The following SLIT1 variants were observed in gnomAD, a reference collection of about 807,000 sequenced individuals.
SLIT1 encodes slit guidance ligand 1, also known as slit homolog 1 protein.
Under a neutral mutation model 186.1 loss-of-function variants are expected in SLIT1, and 66 were observed. That is an observed-to-expected ratio of 0.35 (90% CI 0.29 to 0.44). The LOEUF (loss-of-function observed/expected upper bound fraction) is 0.44, where lower values mean the gene tolerates loss of function less well. Ranked by LOEUF, SLIT1 falls within the 20% of genes least tolerant of loss-of-function variation. SLIT1 has a pLI of 1.00. For missense variants in SLIT1, 1,638 were observed against 2,037.4 expected (o/e 0.80, Z 3.77); for synonymous variants, 761 against 833.8 (o/e 0.91, Z 1.50).
chr10:97,067,032 G>T (rs993989558), intron 4 of SLIT1, among the ~76,000 whole-genome samples: 3 of 152,162 alleles, frequency 2.0e-5, no homozygotes, highest in Non-Finnish European at 4.4e-5. Context: ...AATTGGCTCC[G>T]GTGACCCAGT....
rs1441415095 is a variant in SLIT1, at chr10:96,999,309, C to CCAT, written c.*1800_*1802dup. 6.6e-6 allele frequency: 1 copy of CCAT among 152,304 alleles called. No individual in the cohort carries two copies. Among genetic ancestry groups the CCAT allele is most frequent in the African/African-American group, 2.4e-5 (1 of 41,452 alleles). The allele number at this position is 152,304 out of a possible 1,614,324, so 9.4% of individuals were successfully genotyped here. A position where few individuals can be genotyped will look rare whatever the true frequency, so the allele number is the denominator to read the frequency against. On this transcript the variant is annotated 3_prime_UTR_variant, in exon 37 of 37. Coordinates refer to ENST00000266058, the MANE Select transcript of SLIT1 (RefSeq NM_003061.3). ...CATTGGGCAGGGCACTGCCCTCTTCCCATCACAGGGACCCCAGGACTCACA... is the reference window on the plus strand; with the variant it reads ...CATTGGGCAGGGCACTGCCCTCTTCCCATCATCACAGGGACCCCAGGACTCACA...
At position 97,043,537 on chromosome 10, in the gene SLIT1, G is replaced by T. The variant is rs1848709154; in HGVS notation, c.1854-24C>A. On this transcript the variant is annotated intron_variant, in intron 18 of 36. Transcript: ENST00000266058. The surrounding 1 kb of genome is among the most constrained non-coding windows in gnomAD (Gnocchi z 7.0). ...TTCTGGGGAGGAACGGGGGAGGGAG[G>T]AGGGGACCCTTGCTGCCCTGCCAGC... is the stretch of plus-strand genomic sequence containing the variant. 1 of 1,605,286 alleles carries T rather than the reference G, an allele frequency of 6.2e-7. No homozygotes were observed. The highest frequency in any genetic ancestry group is 1.1e-5 in the South Asian group (1 of 90,382).
chr10:97,175,569 C>T (rs769028894), intron 1 of SLIT1, among the ~76,000 whole-genome samples: 6 of 152,138 alleles, frequency 3.9e-5, no homozygotes, highest in Non-Finnish European at 8.8e-5. Flanking sequence ...AGTCGCAATC[C>T]GAGTGGGTGT....
At chr10:97,040,724 C>G (rs886457006) in intron 20 of SLIT1, among the ~76,000 whole-genome samples, 1 of 152,224 alleles carries the variant, frequency 6.6e-6, no homozygotes, top group Non-Finnish European at 1.5e-5. Flanking sequence ...GAGCCCAGGT[C>G]TGGCTGCCGC....
Position 97,043,408 on chromosome 10 carries a change from G to C in SLIT1, c.1959C>G (p.Ser653=), listed in dbSNP as rs1053703820. ...SLYDNQITTV[S]PGAFDTLQSL... is the part of the protein sequence containing the mutation. ...ACTGGAGGGTGTCGAAGGCTCCTGG[G>C]GATACGGTGGTGATCTGGTTGTCGT... The change falls in exon 19 of 37, where the codon TCC becomes TCG. Residue 653 remains serine (S), a synonymous_variant. Coordinates refer to ENST00000266058, the MANE Select transcript of SLIT1 (RefSeq NM_003061.3). The surrounding 1 kb of genome is among the most constrained non-coding windows in gnomAD (Gnocchi z 7.0). 1.2e-6 allele frequency: 2 copies of C among 1,613,966 alleles called. No homozygotes were observed. The highest frequency in any genetic ancestry group is 3.3e-5 in the Admixed American group (2 of 60,022).
At position 96,999,528 on chromosome 10, in the gene SLIT1, A is replaced by C. The variant is rs1043224308; in HGVS notation, c.*1584T>G. 1.3e-5 allele frequency: 2 copies of C among 152,388 alleles called. No homozygotes were observed. The highest frequency in any genetic ancestry group is 4.8e-5 in the African/African-American group (2 of 41,444). 9.4% of individuals were successfully genotyped at this position (152,388 alleles called of 1,614,324 possible). A position where few individuals can be genotyped will look rare whatever the true frequency, so the allele number is the denominator to read the frequency against. ...AGATGGAGGGAGCCAGGGCAGGGAC[A>C]TGCTCACCCCCGTTGCCCACCAGAA... On this transcript the variant is annotated 3_prime_UTR_variant, in exon 37 of 37. Transcript: ENST00000266058.
At chr10:97,013,335 T>C (rs958783434) in intron 30 of SLIT1, among the ~76,000 whole-genome samples, 1 of 152,208 alleles carries the variant, frequency 6.6e-6, no homozygotes, top group African/African-American at 2.4e-5. Flanking sequence ...TTTGTGGATT[T>C]TGTAACTGGG....
intron 4 of SLIT1, among the ~76,000 whole-genome samples, chr10:97,120,920 C>G (rs528654173): frequency 9.9e-5 from 15 of 152,180 alleles, no homozygotes; most frequent in Non-Finnish European, 2.1e-4. Context: ...TAGAAGGGTT[C>G]ATTCAAGCTT....
chr10:97,149,017 C>T (rs11189012), intron 4 of SLIT1, among the ~76,000 whole-genome samples: 10,268 of 152,308 alleles, frequency 0.067, 555 homozygotes, highest in African/African-American at 0.15. Context: ...CAGGCATTCT[C>T]TCGGGATGAC....
At chr10:97,145,094 T>G (rs1849802921) in intron 4 of SLIT1, among the ~76,000 whole-genome samples, 1 of 152,114 alleles carries the variant, frequency 6.6e-6, no homozygotes, top group South Asian at 2.1e-4. Flanking sequence ...TGTGGGGGCA[T>G]GTACAGTATT....
intron 11 of SLIT1, among the ~76,000 whole-genome samples, chr10:97,058,777 C>T (rs1038588884): frequency 1.1e-4 from 17 of 152,184 alleles, no homozygotes; most frequent in African/African-American, 3.9e-4. Flanking sequence ...ACAAATGGCC[C>T]CTCCTACAGG....
chr10:97,018,474 T>G (rs1188204946), intron 28 of SLIT1, 112 bp downstream of exon 28: 1 of 656,758 alleles, frequency 1.5e-6, no homozygotes, highest in African/African-American at 1.8e-5. Context: ...CGCCTCCACC[T>G]CCCCACAGGG....
intron 4 of SLIT1, among the ~76,000 whole-genome samples, chr10:97,069,823 G>A (rs1232796358): frequency 2.6e-5 from 4 of 152,084 alleles, no homozygotes; most frequent in Non-Finnish European, 5.9e-5. Flanking sequence ...AAAGACAGAG[G>A]CTCATTCTCT....
intron 36 of SLIT1, 148 bp from the exon 37 acceptor site, chr10:97,001,498 A>G (rs1848309225): frequency 1.5e-6 from 1 of 645,184 alleles, no homozygotes; most frequent in Non-Finnish European, 2.7e-6. Context: ...TCCCCAGCAT[A>G]CTTCCGCCTC....
Position 97,043,572 on chromosome 10 carries a change from G to A in SLIT1, c.1854-59C>T. The A allele has an allele frequency of 6.6e-7, 1 of 1,510,084 alleles. No homozygotes were observed. The highest frequency in any genetic ancestry group is 9.1e-7 in the Non-Finnish European group (1 of 1,097,066). The allele number at this position is 1,510,084 out of a possible 1,614,324, so 93.5% of individuals were successfully genotyped here. ...TTGCTGCCCTGCCAGCCATCCACCT[G>A]GGCCACGCAGCTTCCGCCATCGTGG... On this transcript the variant is annotated intron_variant, in intron 18 of 36. Transcript: ENST00000266058. This position sits in a 1 kb window ranked among gnomAD's most constrained non-coding sequence, Gnocchi z 7.0.
chr10:97,043,150 AG>A lies in SLIT1; in HGVS notation c.1998-84del. 1 of 1,474,432 alleles carries A rather than the reference AG, an allele frequency of 6.8e-7. No homozygotes were observed. The highest frequency in any genetic ancestry group is 9.3e-7 in the Non-Finnish European group (1 of 1,079,302). The allele number at this position is 1,474,432 out of a possible 1,614,324, so 91.3% of individuals were successfully genotyped here. On this transcript the variant is annotated intron_variant, in intron 19 of 36. Coordinates refer to ENST00000266058, the MANE Select transcript of SLIT1 (RefSeq NM_003061.3). This position sits in a 1 kb window ranked among gnomAD's most constrained non-coding sequence, Gnocchi z 7.0. Reference sequence around the variant, plus strand: ...CAAACCCCTCCTGTACCACGGACACAGGGCCACATGGCCACATGGCACTGTC... The same window carrying A: ...CAAACCCCTCCTGTACCACGGACACAGGCCACATGGCCACATGGCACTGTC...
chr10:97,029,326 T>C (rs1295015529), intron 25 of SLIT1, among the ~76,000 whole-genome samples: 2 of 152,214 alleles, frequency 1.3e-5, no homozygotes, highest in Non-Finnish European at 2.9e-5. Flanking sequence ...GCGAGACTGA[T>C]GAGTGAATGA....
intron 4 of SLIT1, among the ~76,000 whole-genome samples, chr10:97,127,994 C>G (rs181543537): frequency 6.6e-6 from 1 of 152,204 alleles, no homozygotes; most frequent in South Asian, 2.1e-4. Flanking sequence ...AGAACAGACC[C>G]AGCTCCCACA....
At chr10:97,087,413 C>T (rs1034025819) in intron 4 of SLIT1, among the ~76,000 whole-genome samples, 3 of 152,246 alleles carry the variant, frequency 2.0e-5, no homozygotes, top group African/African-American at 4.8e-5. Context: ...GGCCCTCCCC[C>T]GTCTCCATCC....
Sources: gnomAD v4.1 joint callset for allele counts (sites outside exome capture counted in the v4.1 genomes callset) on GRCh38, gnomAD v4.1.1 for gene constraint, Gnocchi (gnomAD v3.1) non-coding constraint, MANE v1.5 for transcripts, NCBI Gene and HGNC (gene_info 2026-07-23, HGNC 2026-07-21) for gene names.